The following RGS5 variants were observed in gnomAD, a reference collection of about 807,000 sequenced individuals.
RGS5 encodes regulator of G protein signaling 5, also known as regulator of G-protein signalling 5.
Under a neutral mutation model 18.9 loss-of-function variants are expected in RGS5, and 20 were observed. The ratio of observed to expected loss-of-function variants is 1.06; its 90% confidence interval spans 0.74 to 1.54. The LOEUF is 1.54. Among genes scored for constraint, RGS5 ranks in the 40% most tolerant of loss-of-function variants. The pLI, the probability that RGS5 is intolerant of heterozygous loss-of-function variation, is 0.00. For synonymous variants in RGS5, 57 were observed against 76.2 expected (o/e 0.75, Z 1.31); for missense variants, 201 against 211.8 (o/e 0.95, Z 0.32).
At chr1:163,214,877 C>T (rs1257132996) in intron 1 of RGS5, among the ~76,000 whole-genome samples, 2 of 152,096 alleles carry the variant, frequency 1.3e-5, no homozygotes, top group Non-Finnish European at 2.9e-5. Flanking sequence ...TTCCAAGATT[C>T]TTCATTACTT....
rs1398880530 is a variant in RGS5 at position 163,180,692 on chromosome 1, T to TTTTTG, written c.45-12325_45-12324insCAAAA. Among the ~76,000 whole-genome samples, 31 of 120,148 alleles carry TTTTTG rather than the reference T, an allele frequency of 2.6e-4. 3 individuals are homozygous for TTTTTG. Among genetic ancestry groups the TTTTTG allele is most frequent in the African/African-American group, 1.1e-3 (30 of 28,038 alleles). The allele number at this position is 120,148 out of a possible 152,430, so 78.8% of individuals were successfully genotyped here. On this transcript the variant is annotated intron_variant, in intron 1 of 4. Transcript: ENST00000313961. Reference sequence around the variant, plus strand: ...GTAATAAAGCCCTTACCCTGTTTTTTTTTTTTTTTTTTTTTTTTTTGAGAC... The same window carrying TTTTTG: ...GTAATAAAGCCCTTACCCTGTTTTTTTTTTGTTTTTTTTTTTTTTTTTTTTGAGAC...
At chr1:163,204,488 T>C (rs906996499), upstream of RGS5, among the ~76,000 whole-genome samples, 1 of 152,160 alleles carries the variant, frequency 6.6e-6, no homozygotes, top group Non-Finnish European at 1.5e-5. Context: ...TAACTGGGAC[T>C]AAAGACTCTT....
chr1:163,185,711 G>T (rs1659041815), intron 1 of RGS5, among the ~76,000 whole-genome samples: 1 of 152,184 alleles, frequency 6.6e-6, no homozygotes, highest in Non-Finnish European at 1.5e-5. Context: ...GTTGCAACCT[G>T]AAGATAACTA....
intron 1 of RGS5, among the ~76,000 whole-genome samples, chr1:163,318,188 G>A (rs1650078051): frequency 6.6e-6 from 1 of 152,144 alleles, no homozygotes; most frequent in African/African-American, 2.4e-5. Context: ...CCTCATGAAT[G>A]CGAAGTGGGT....
intron 3 of RGS5, 33 bp downstream of exon 3, chr1:163,161,882 C>T (rs761944240): frequency 6.4e-7 from 1 of 1,572,862 alleles, no homozygotes; most frequent in African/African-American, 1.3e-5. Flanking sequence ...CTAACCTGAC[C>T]TTTATTTAAA....
intron 1 of RGS5, among the ~76,000 whole-genome samples, chr1:163,190,887 G>C (rs1659319918): frequency 6.6e-6 from 1 of 152,196 alleles, no homozygotes. Context: ...ATGGGGCACA[G>C]CTTTATGGAA....
At chr1:163,196,735 T>G (rs1276691763) in intron 1 of RGS5, among the ~76,000 whole-genome samples, 1 of 152,130 alleles carries the variant, frequency 6.6e-6, no homozygotes, top group African/African-American at 2.4e-5. Flanking sequence ...GACAGTCTCC[T>G]TCACTTTTCT....
chr1:163,260,834 C>T (rs975138587), intron 2 of RGS5, among the ~76,000 whole-genome samples: 2 of 152,134 alleles, frequency 1.3e-5, no homozygotes, highest in Non-Finnish European at 2.9e-5. Context: ...AGAACAGTCT[C>T]GGTTTTGTTC....
At position 163,309,805 on chromosome 1, in the gene RGS5, C is replaced by G. The variant is rs557521702; in HGVS notation, c.-377-3476G>C. Among the ~76,000 whole-genome samples, 7 of 152,264 alleles carry G rather than the reference C, an allele frequency of 4.6e-5. No homozygotes were observed. The South Asian group carries it at 1.5e-3, about 32-fold the overall frequency. ...AGGTTTTCAGTTTACTTTGCCATAT[C>G]TATAAGAGGAATCACTGAAGCAGGT... is the stretch of plus-strand genomic sequence containing the variant. On this transcript the variant is annotated intron_variant, in intron 1 of 5. Coordinates refer to the RGS5 transcript ENST00000618415.
rs142136211 is a variant in RGS5 at position 163,182,487 on chromosome 1, C to T, written c.45-14119G>A. 7.2e-5 allele frequency among the ~76,000 whole-genome samples: 11 copies of T among 152,288 alleles called. No individual in the cohort carries two copies. In the East Asian group the frequency reaches 2.1e-3, roughly 29 times the overall value. ...TTCCCGTGGAAATTGAGATATTTCCCATGCTTTTCTGGGCTGTCTCTGACA... is the reference window on the plus strand; with the variant it reads ...TTCCCGTGGAAATTGAGATATTTCCTATGCTTTTCTGGGCTGTCTCTGACA... On this transcript the variant is annotated intron_variant, in intron 1 of 4. Transcript: ENST00000313961.
At chr1:163,196,253 A>G (rs1659561017) in intron 1 of RGS5, among the ~76,000 whole-genome samples, 1 of 152,196 alleles carries the variant, frequency 6.6e-6, no homozygotes, top group Non-Finnish European at 1.5e-5. Flanking sequence ...GCCTCCAGCC[A>G]TATTCTGGTT....
At chr1:163,294,235 C>T (rs892619903) in intron 2 of RGS5, among the ~76,000 whole-genome samples, 5 of 152,208 alleles carry the variant, frequency 3.3e-5, no homozygotes, top group African/African-American at 1.2e-4. Context: ...TGAGGGCTGC[C>T]CCTGCAGCAG....
intron 1 of RGS5, among the ~76,000 whole-genome samples, chr1:163,196,819 C>T (rs549967946): frequency 1.6e-4 from 25 of 152,234 alleles, no homozygotes; most frequent in South Asian, 4.1e-4. Context: ...ACTCTTTTTC[C>T]GATTGTGGCC....
At chr1:163,214,358 C>T (rs1008711410) in intron 1 of RGS5, among the ~76,000 whole-genome samples, 3 of 152,152 alleles carry the variant, frequency 2.0e-5, no homozygotes, top group Non-Finnish European at 2.9e-5. Flanking sequence ...ATGACTATCT[C>T]ATACCTTCTC....
In RGS5 at chr1:163,147,233, G is replaced by A. The variant is rs548335710; in HGVS notation, c.*109C>T. 6 of 1,179,290 alleles carry A rather than the reference G, an allele frequency of 5.1e-6. No homozygotes were observed. The East Asian group carries it at 1.7e-4, about 33-fold the overall frequency. 73.1% of individuals were successfully genotyped at this position (1,179,290 alleles called of 1,614,324 possible). ...ACATCCCCTGGGATTTTTCCCATGT[G>A]GGTATCACTGAGCAAAGCTGCTGTG... On this transcript the variant is annotated 3_prime_UTR_variant, in exon 5 of 5. Transcript: ENST00000313961.
chr1:163,171,119 T>C (rs1438003271), intron 1 of RGS5, among the ~76,000 whole-genome samples: 3 of 152,128 alleles, frequency 2.0e-5, no homozygotes, highest in African/African-American at 7.2e-5. Flanking sequence ...CATTGAAACA[T>C]ACAAAAAATT....
Position 163,320,608 on chromosome 1 carries a change from G to A in RGS5, c.-378+1014C>T, listed in dbSNP as rs118163483. 2.0e-5 allele frequency among the ~76,000 whole-genome samples: 3 copies of A among 152,278 alleles called. No homozygotes were observed. In the East Asian group the frequency reaches 5.8e-4, roughly 29 times the overall value. On this transcript the variant is annotated intron_variant, in intron 1 of 5. Coordinates refer to the RGS5 transcript ENST00000618415. The stretch of plus-strand genomic sequence containing the variant: ...ATCAGTAATCAATTTGATTTGGCAA[G>A]TGTCAATGAGACAGGTCTCTTTTTT...
At chr1:163,219,563 A>G (rs184592071), upstream of RGS5, among the ~76,000 whole-genome samples, 1 of 152,270 alleles carries the variant, frequency 6.6e-6, no homozygotes, top group East Asian at 1.9e-4. Context: ...TCTTCATTCT[A>G]ATTCTCTCAT....
chr1:163,161,118 G>A (rs951177761), intron 3 of RGS5, among the ~76,000 whole-genome samples: 1 of 152,156 alleles, frequency 6.6e-6, no homozygotes, highest in Non-Finnish European at 1.5e-5. Flanking sequence ...TCTATTATAG[G>A]AGAGGGAGAA....
Sources: gnomAD v4.1 joint callset for allele counts (sites outside exome capture counted in the v4.1 genomes callset) on GRCh38, gnomAD v4.1.1 for gene constraint, MANE v1.5 for transcripts, NCBI Gene and HGNC (gene_info 2026-07-23, HGNC 2026-07-21) for gene names.